Variants in MED13L observed in about 807,000 individuals in gnomAD.
MED13L encodes the protein mediator of RNA polymerase II transcription subunit 13-like.
Under a neutral mutation model 220.9 loss-of-function variants are expected in MED13L, and 7 were observed. That is an observed-to-expected ratio of 0.03 (90% confidence interval 0.02 to 0.06). MED13L has a LOEUF of 0.06. Ranked by LOEUF, MED13L falls within the 10% of genes least tolerant of loss-of-function variation. MED13L has a pLI of 1.00. For synonymous variants in MED13L, 1,011 were observed against 1,015.2 expected (o/e 1.00, Z 0.08); for missense variants, 1,965 against 2,760.5 (o/e 0.71, Z 6.46).
rs1873940648 is a variant in MED13L at position 116,277,190 on chromosome 12, A to AGGCCG, written c.-64_-60dup. ...ATGTCGGAGCGAGGCGTCCGAGGCG[A>AGGCCG]GGCCGGGCCGGGCGGCGGCGCCTCG... is the stretch of plus-strand genomic sequence containing the variant. On this transcript the variant is annotated 5_prime_UTR_variant, in exon 1 of 31. Transcript: ENST00000281928. The AGGCCG allele has an allele frequency of 2.4e-6, 3 of 1,255,492 alleles. No individual in the cohort carries two copies. Among genetic ancestry groups the AGGCCG allele is most frequent in the African/African-American group, 1.6e-5 (1 of 63,214 alleles). 77.8% of individuals were successfully genotyped at this position (1,255,492 alleles called of 1,614,324 possible). A position where few individuals can be genotyped will look rare whatever the true frequency, so the allele number is the denominator to read the frequency against.
intron 4 of MED13L, among the ~76,000 whole-genome samples, chr12:116,050,493 T>C (rs893378311): frequency 1.3e-5 from 2 of 152,116 alleles, no homozygotes; most frequent in African/African-American, 4.8e-5. Flanking sequence ...GTTCGGCTAA[T>C]AGAAAAGTTG....
chr12:116,087,736 C>G (rs2137772088), intron 4 of MED13L, among the ~76,000 whole-genome samples: 1 of 152,046 alleles, frequency 6.6e-6, no homozygotes, highest in Admixed American at 6.5e-5. Context: ...CATCCTACCT[C>G]ATTCTGCAAA....
intron 2 of MED13L, among the ~76,000 whole-genome samples, chr12:116,120,629 A>C (rs190355670): frequency 2.4e-3 from 371 of 152,006 alleles, no homozygotes; most frequent in Middle Eastern, 0.01. Context: ...GAGAAGAAAA[A>C]CGACTACCAA....
At chr12:116,125,701 C>T (rs1011281039) in intron 2 of MED13L, among the ~76,000 whole-genome samples, 7 of 152,144 alleles carry the variant, frequency 4.6e-5, no homozygotes, top group Non-Finnish European at 7.3e-5. Context: ...TCATGACTCC[C>T]CCAAAACTAA....
At chr12:116,036,800 CTA>C (rs1303268889) in intron 4 of MED13L, among the ~76,000 whole-genome samples, 1 of 152,154 alleles carries the variant, frequency 6.6e-6, no homozygotes, top group Non-Finnish European at 1.5e-5. Flanking sequence ...CTCACAAAGA[CTA>C]TGTTGAGGTC....
chr12:116,261,527 G>A (rs1179557828), intron 1 of MED13L, among the ~76,000 whole-genome samples: 1 of 150,700 alleles, frequency 6.6e-6, no homozygotes. Flanking sequence ...GAAACAGGCA[G>A]ATTATAAGTG....
At chr12:116,189,357 T>A (rs550915377) in intron 2 of MED13L, among the ~76,000 whole-genome samples, 127 of 152,280 alleles carry the variant, frequency 8.3e-4, no homozygotes, top group African/African-American at 3.0e-3. Context: ...GTTGGATTTT[T>A]TTTTAATACT....
intron 2 of MED13L, among the ~76,000 whole-genome samples, chr12:116,113,767 A>G (rs1455441377): frequency 1.7e-5 from 1 of 59,974 alleles, no homozygotes. Flanking sequence ...AGGGAGGGGT[A>G]AGAGGGAGAG....
At chr12:116,211,434 G>A (rs1258580622) in intron 2 of MED13L, among the ~76,000 whole-genome samples, 1 of 152,004 alleles carries the variant, frequency 6.6e-6, no homozygotes, top group Admixed American at 6.5e-5. Flanking sequence ...AAAAAAAAAT[G>A]CACCTTTAAG....
intron 2 of MED13L, among the ~76,000 whole-genome samples, chr12:116,145,805 C>G (rs1333102201): frequency 6.6e-6 from 1 of 151,948 alleles, no homozygotes; most frequent in African/African-American, 2.4e-5. Context: ...GGAACTAAAT[C>G]TAGGTGACAG....
At chr12:116,168,835 A>T (rs557028216) in intron 2 of MED13L, among the ~76,000 whole-genome samples, 57 of 152,332 alleles carry the variant, frequency 3.7e-4, no homozygotes, top group Non-Finnish European at 3.8e-4. Flanking sequence ...TTTTGTTCAC[A>T]TGGGTTTACT....
intron 4 of MED13L, among the ~76,000 whole-genome samples, chr12:116,068,397 T>C (rs1001370059): frequency 1.3e-5 from 2 of 152,214 alleles, no homozygotes; most frequent in African/African-American, 4.8e-5. Flanking sequence ...TAGAGCTATA[T>C]TTTGCTAATT....
At chr12:115,968,486 G>A (rs1205873122) in intron 28 of MED13L, among the ~76,000 whole-genome samples, 1 of 152,166 alleles carries the variant, frequency 6.6e-6, no homozygotes, top group Non-Finnish European at 1.5e-5. Flanking sequence ...GCCAGGACAC[G>A]CAAAGAGCAC....
intron 1 of MED13L, among the ~76,000 whole-genome samples, chr12:116,274,243 T>A (rs1224614304): frequency 1.3e-5 from 2 of 152,124 alleles, no homozygotes; most frequent in Non-Finnish European, 2.9e-5. Flanking sequence ...CTAGCAGAAA[T>A]CTTAAAGTGT....
Position 116,006,132 on chromosome 12 carries a change from T to C in MED13L, c.2345-139A>G. 5.9e-6 allele frequency: 8 copies of C among 1,367,230 alleles called. No individual in the cohort carries two copies. The South Asian group carries it at 1.0e-4, about 17-fold the overall frequency. 84.7% of individuals were successfully genotyped at this position (1,367,230 alleles called of 1,614,324 possible). ...TTTTAGTTAAATTTAGAGACAATTATTTCCAAATATGTTTATCAGTTTTGA... is the reference window on the plus strand; with the variant it reads ...TTTTAGTTAAATTTAGAGACAATTACTTCCAAATATGTTTATCAGTTTTGA... On this transcript the variant is annotated intron_variant, in intron 12 of 30. Transcript: ENST00000281928.
chr12:116,197,802 T>G (rs1409688111), intron 2 of MED13L, among the ~76,000 whole-genome samples: 1 of 151,740 alleles, frequency 6.6e-6, no homozygotes, highest in African/African-American at 2.4e-5. Context: ...AAGCAGTTAC[T>G]CACCAGCTGC....
chr12:116,217,075 C>A (rs1883042800), intron 2 of MED13L, among the ~76,000 whole-genome samples: 1 of 152,102 alleles, frequency 6.6e-6, no homozygotes, highest in Non-Finnish European at 1.5e-5. Context: ...TTTCCCTTTA[C>A]CTTGACAGAG....
intron 4 of MED13L, among the ~76,000 whole-genome samples, chr12:116,038,744 C>CAAAAAAAAAAAAAAAAAAAAAAAAAAAAA (rs63703461): frequency 1.3e-5 from 1 of 75,262 alleles, no homozygotes; most frequent in African/African-American, 6.0e-5. Flanking sequence ...GTCAAAAGGC[C>CAAAAAAAAAAAAAAAAAAAAAAAAAAAAA]AAAAAAAAAA....
intron 12 of MED13L, 87 bp downstream of exon 12, chr12:116,006,216 CAAT>C: frequency 7.7e-7 from 1 of 1,293,932 alleles, no homozygotes; most frequent in Non-Finnish European, 1.1e-6. Flanking sequence ...ATTCTTATTA[CAAT>C]AAGAATAAAA....
Sources: allele counts gnomAD v4.1 joint callset (sites outside exome capture counted in the v4.1 genomes callset), GRCh38; gene constraint gnomAD v4.1.1; transcripts MANE v1.5; gene names NCBI Gene and HGNC (gene_info 2026-07-23, HGNC 2026-07-21).